Variants in CADM2 observed in about 807,000 individuals in gnomAD.
CADM2 encodes cell adhesion molecule 2.
Under a neutral mutation model 49.8 loss-of-function variants are expected in CADM2, and 12 were observed. The ratio of observed to expected loss-of-function variants is 0.24; its 90% CI spans 0.15 to 0.39. CADM2 has a LOEUF of 0.39. Among genes scored for constraint, CADM2 ranks in the 10% least tolerant of loss-of-function variants. The pLI is 1.00. For synonymous variants in CADM2, 214 were observed against 175.4 expected (o/e 1.22, Z -1.74); for missense variants, 378 against 492.3 (o/e 0.77, Z 2.20).
At chr3:85,786,759 A>G (rs762199765) in intron 2 of CADM2, among the ~76,000 whole-genome samples, 1 of 152,050 alleles carries the variant, frequency 6.6e-6, no homozygotes, top group Admixed American at 6.6e-5. Context: ...TATTATGTAT[A>G]TGTATACCTC....
At chr3:85,903,889 T>C (rs1716459395) in intron 5 of CADM2, among the ~76,000 whole-genome samples, 1 of 152,188 alleles carries the variant, frequency 6.6e-6, no homozygotes, top group African/African-American at 2.4e-5. Flanking sequence ...CTAGAATCCT[T>C]TGCTGGGCTT....
At chr3:85,971,212 G>T (rs985824886) in intron 8 of CADM2, among the ~76,000 whole-genome samples, 1 of 151,476 alleles carries the variant, frequency 6.6e-6, no homozygotes, top group Non-Finnish European at 1.5e-5. Context: ...CTGAACCAAC[G>T]CCCTTATGGA....
chr3:85,950,321 G>A (rs372955731), intron 7 of CADM2, among the ~76,000 whole-genome samples: 5 of 151,262 alleles, frequency 3.3e-5, no homozygotes, highest in African/African-American at 1.2e-4. Context: ...AAGTCCTTAA[G>A]AGATTAGCTT....
intron 2 of CADM2, among the ~76,000 whole-genome samples, chr3:85,774,333 T>C (rs1483014373): frequency 6.6e-6 from 1 of 151,766 alleles, no homozygotes; most frequent in African/African-American, 2.4e-5. Flanking sequence ...TTATTTATGG[T>C]AGAATTTCTT....
intron 2 of CADM2, among the ~76,000 whole-genome samples, chr3:85,761,469 C>T (rs1160029780): frequency 2.0e-5 from 3 of 150,240 alleles, no homozygotes; most frequent in African/African-American, 4.9e-5. Flanking sequence ...CTGCACCTCC[C>T]GGGTTCAAGC....
intron 1 of CADM2, among the ~76,000 whole-genome samples, chr3:85,473,712 G>A (rs1281953120): frequency 1.3e-5 from 2 of 152,018 alleles, no homozygotes; most frequent in African/African-American, 4.8e-5. Context: ...GAAGAACTTT[G>A]TGTTATAATT....
chr3:85,481,618 G>A (rs1206805040), intron 1 of CADM2, among the ~76,000 whole-genome samples: 1 of 151,592 alleles, frequency 6.6e-6, no homozygotes, highest in Non-Finnish European at 1.5e-5. Flanking sequence ...GGTTGGGGGT[G>A]AGGAGGTATG....
At chr3:85,816,034 T>A (rs1473637166) in intron 3 of CADM2, among the ~76,000 whole-genome samples, 1 of 152,144 alleles carries the variant, frequency 6.6e-6, no homozygotes, top group Non-Finnish European at 1.5e-5. Flanking sequence ...TCAATTCTAT[T>A]TGTAAGCACA....
chr3:85,370,406 A>G (rs2033144078), intron 1 of CADM2, among the ~76,000 whole-genome samples: 2 of 151,058 alleles, frequency 1.3e-5, no homozygotes, highest in Admixed American at 1.3e-4. Context: ...TGGGTGACAG[A>G]GTGAGACTCT....
chr3:85,408,262 G>A (rs187950036), intron 1 of CADM2, among the ~76,000 whole-genome samples: 254 of 152,186 alleles, frequency 1.7e-3, no homozygotes, highest in African/African-American at 5.7e-3. Flanking sequence ...AGTAAATGTA[G>A]GTATGTGTGG....
chr3:85,412,547 T>C (rs1000516027), intron 1 of CADM2, among the ~76,000 whole-genome samples: 3 of 141,726 alleles, frequency 2.1e-5, no homozygotes, highest in South Asian at 2.3e-4. Flanking sequence ...TTTTTTTTTT[T>C]CTGTATCATG....
chr3:85,443,115 GT>G (rs2037288639), intron 1 of CADM2, among the ~76,000 whole-genome samples: 1 of 151,988 alleles, frequency 6.6e-6, no homozygotes, highest in South Asian at 2.1e-4. Context: ...AAATAAACGG[GT>G]TGATTTCAGA....
At chr3:85,284,099 A>T (rs2043569472) in intron 1 of CADM2, among the ~76,000 whole-genome samples, 1 of 152,164 alleles carries the variant, frequency 6.6e-6, no homozygotes, top group African/African-American at 2.4e-5. Flanking sequence ...AAACTCTGCC[A>T]GATAATTAAA....
intron 1 of CADM2, among the ~76,000 whole-genome samples, chr3:85,340,489 A>G (rs993564736): frequency 2.0e-5 from 3 of 151,628 alleles, no homozygotes; most frequent in Non-Finnish European, 4.4e-5. Context: ...ATATATGTGC[A>G]TTATAAATAC....
At chr3:85,527,979 C>A (rs2061207344) in intron 1 of CADM2, among the ~76,000 whole-genome samples, 1 of 152,110 alleles carries the variant, frequency 6.6e-6, no homozygotes, top group South Asian at 2.1e-4. Context: ...TTTAACAATT[C>A]ATTGCTTATA....
intron 1 of CADM2, among the ~76,000 whole-genome samples, chr3:85,352,255 C>A (rs2031424293): frequency 6.6e-6 from 1 of 151,990 alleles, no homozygotes; most frequent in South Asian, 2.1e-4. Flanking sequence ...GTGTTGTCAT[C>A]TTTTGTATTA....
chr3:85,883,475 C>A, intron 4 of CADM2, 32 bp downstream of exon 4: 2 of 1,564,240 alleles, frequency 1.3e-6, no homozygotes, highest in Non-Finnish European at 1.7e-6. Context: ...CATGTAATCA[C>A]AAAACCAGAA....
At chr3:85,440,384 G>A (rs891606759) in intron 1 of CADM2, among the ~76,000 whole-genome samples, 1 of 152,094 alleles carries the variant, frequency 6.6e-6, no homozygotes, top group African/African-American at 2.4e-5. Flanking sequence ...AAAGTTAGTA[G>A]GTTGAACTGG....
chr3:86,018,579 G>T (rs1337829785), intron 8 of CADM2, among the ~76,000 whole-genome samples: 2 of 152,204 alleles, frequency 1.3e-5, no homozygotes, highest in African/African-American at 4.8e-5. Flanking sequence ...TCTAACTGGT[G>T]TGAGATGGCA....
Sources: gnomAD v4.1 joint callset for allele counts (sites outside exome capture counted in the v4.1 genomes callset) on GRCh38, gnomAD v4.1.1 for gene constraint, MANE v1.5 for transcripts, NCBI Gene and HGNC (gene_info 2026-07-23, HGNC 2026-07-21) for gene names.